Variants in CDH18 observed in about 807,000 individuals in gnomAD.
The protein encoded by CDH18 is cadherin 18, also known as cadherin-18.
In CDH18, 31 loss-of-function variants were observed where a neutral mutation model predicts 67.9. That is an observed-to-expected ratio of 0.46 (90% CI 0.34 to 0.62). The LOEUF (loss-of-function observed/expected upper bound fraction) is 0.62, where lower values mean the gene tolerates loss of function less well. Ranked by LOEUF, CDH18 falls within the 20% of genes least tolerant of loss-of-function variation. The pLI, the probability that CDH18 is intolerant of heterozygous loss-of-function variation, is 0.01. For missense variants in CDH18, 890 were observed against 975.5 expected (o/e 0.91, Z 1.17); for synonymous variants, 362 against 347.2 (o/e 1.04, Z -0.48).
chr5:20,551,578 A>G (rs1209224391), intron 1 of CDH18, among the ~76,000 whole-genome samples: 1 of 152,144 alleles, frequency 6.6e-6, no homozygotes, highest in African/African-American at 2.4e-5. Flanking sequence ...CTGTTAATCA[A>G]TTGGAGTTGA....
At chr5:19,948,079 G>T (rs1287468588) in intron 2 of CDH18, among the ~76,000 whole-genome samples, 2 of 152,146 alleles carry the variant, frequency 1.3e-5, no homozygotes, top group African/African-American at 4.8e-5. Context: ...CCATAATGCA[G>T]TATCACAAAC....
At chr5:20,106,783 A>G (rs1746979708) in intron 2 of CDH18, among the ~76,000 whole-genome samples, 1 of 152,234 alleles carries the variant, frequency 6.6e-6, no homozygotes, top group African/African-American at 2.4e-5. Context: ...AAACATGGTT[A>G]TAATATCCAA....
intron 1 of CDH18, among the ~76,000 whole-genome samples, chr5:20,268,092 C>A (rs1580625924): frequency 6.6e-6 from 1 of 152,094 alleles, no homozygotes; most frequent in South Asian, 2.1e-4. Flanking sequence ...GGATAATTGC[C>A]TCCAGTTGCA....
At chr5:20,523,485 T>C (rs1280052836) in intron 1 of CDH18, among the ~76,000 whole-genome samples, 1 of 152,176 alleles carries the variant, frequency 6.6e-6, no homozygotes, top group Non-Finnish European at 1.5e-5. Flanking sequence ...TTAAAACTCA[T>C]TTATAGCTGG....
chr5:19,728,507 G>C lies in CDH18; in HGVS notation c.524-7041C>G, dbSNP rs995366713. On this transcript the variant is annotated intron_variant, in intron 4 of 12. Transcript: ENST00000382275. ...TTAAATCTTATTTTCTTTAGGTATT[G>C]CCCTGTGTCATTCTCATTCTTTTCG... Among the ~76,000 whole-genome samples, 4 of 152,048 alleles carry C rather than the reference G, an allele frequency of 2.6e-5. No individual in the cohort carries two copies. In the East Asian group the frequency reaches 7.7e-4, roughly 29 times the overall value.
chr5:20,333,936 T>TAAATATTAA (rs1739440682), intron 1 of CDH18, among the ~76,000 whole-genome samples: 1 of 152,052 alleles, frequency 6.6e-6, no homozygotes, highest in Non-Finnish European at 1.5e-5. Flanking sequence ...ATTTAATTTA[T>TAAATATTAA]AAAATTGCAA....
At position 20,304,753 on chromosome 5, in the gene CDH18, T is replaced by G. The variant is rs181794878; in HGVS notation, c.-579-49248A>C. On this transcript the variant is annotated intron_variant, in intron 1 of 14. Transcript: ENST00000507958. ...GTTGCCATGAAACAAAAACGCTGACTCTTGCTGTAATTTTGTTGAGCCAAC... is the reference window on the plus strand; with the variant it reads ...GTTGCCATGAAACAAAAACGCTGACGCTTGCTGTAATTTTGTTGAGCCAAC... The G allele has an allele frequency of 5.6e-5, 91 of 1,611,212 alleles. No homozygotes were observed. The African/African-American group carries it at 1.0e-3, about 18-fold the overall frequency.
intron 4 of CDH18, among the ~76,000 whole-genome samples, chr5:19,730,147 A>ATAC (rs1261142421): frequency 6.6e-6 from 1 of 152,134 alleles, no homozygotes; most frequent in East Asian, 1.9e-4. Flanking sequence ...TGCTTAGGTA[A>ATAC]TACTACTACT....
chr5:20,112,694 T>C (rs1347901249), intron 2 of CDH18, among the ~76,000 whole-genome samples: 3 of 152,030 alleles, frequency 2.0e-5, no homozygotes, highest in African/African-American at 4.8e-5. Context: ...AGCCTGGCGA[T>C]AGAGGGAGAC....
At chr5:19,985,230 T>C (rs942450487) in intron 1 of CDH18, among the ~76,000 whole-genome samples, 1 of 152,092 alleles carries the variant, frequency 6.6e-6, no homozygotes, top group Non-Finnish European at 1.5e-5. Context: ...CACCTACCAA[T>C]TGAAAACCAT....
At chr5:20,151,671 A>G (rs1490149476) in intron 2 of CDH18, among the ~76,000 whole-genome samples, 3 of 152,238 alleles carry the variant, frequency 2.0e-5, no homozygotes, top group East Asian at 1.9e-4. Flanking sequence ...TTTCAAAAAT[A>G]GTCATTCTGA....
intron 2 of CDH18, among the ~76,000 whole-genome samples, chr5:19,900,025 C>T (rs535674363): frequency 1.3e-5 from 2 of 152,044 alleles, no homozygotes; most frequent in Admixed American, 1.3e-4. Flanking sequence ...AACACTGTTC[C>T]TATAGGTAAA....
intron 5 of CDH18, among the ~76,000 whole-genome samples, chr5:19,638,993 T>TTGTTTTTG (rs1561521221): frequency 1.6e-4 from 17 of 107,354 alleles, no homozygotes; most frequent in African/African-American, 4.5e-4. Flanking sequence ...TTTTTTTTTT[T>TTGTTTTTG]TTTTTTTTTT....
intron 1 of CDH18, among the ~76,000 whole-genome samples, chr5:20,503,617 T>G (rs1754470309): frequency 6.6e-6 from 1 of 152,192 alleles, no homozygotes; most frequent in South Asian, 2.1e-4. Context: ...AGGAGATGAA[T>G]AGCAATAGAT....
chr5:20,032,286 A>G (rs1039535166), intron 2 of CDH18, among the ~76,000 whole-genome samples: 1 of 151,380 alleles, frequency 6.6e-6, no homozygotes, highest in Non-Finnish European at 1.5e-5. Flanking sequence ...GAAAGAAGAA[A>G]CCAGTGACTG....
Position 19,472,826 on chromosome 5 carries a change from T to C in CDH18, c.*400A>G. The stretch of plus-strand genomic sequence containing the variant: ...GATTACCTTCACAAGTTTCCTGTAT[T>C]AGTGTTACCACCCCTATAAGTCATA... On this transcript the variant is annotated 3_prime_UTR_variant, in exon 13 of 13. Transcript: ENST00000382275. The C allele has an allele frequency of 1.8e-5, 3 of 168,740 alleles. No individual in the cohort carries two copies. The highest frequency in any genetic ancestry group is 1.1e-4 in the Admixed American group (2 of 17,962). 10.5% of individuals were successfully genotyped at this position (168,740 alleles called of 1,614,324 possible).
intron 7 of CDH18, among the ~76,000 whole-genome samples, chr5:19,584,995 CA>C (rs34553605): frequency 8.4e-5 from 12 of 142,034 alleles, no homozygotes; most frequent in East Asian, 2.1e-4. Context: ...ACTCTATCTC[CA>C]AAAAAAAAAA....
At chr5:20,163,337 T>TA (rs985093466) in intron 2 of CDH18, among the ~76,000 whole-genome samples, 3 of 152,176 alleles carry the variant, frequency 2.0e-5, no homozygotes, top group Non-Finnish European at 2.9e-5. Flanking sequence ...CCCAATTTTC[T>TA]AAAAAAAGTA....
At chr5:19,495,684 A>G (rs1165565280) in intron 11 of CDH18, among the ~76,000 whole-genome samples, 6 of 147,238 alleles carry the variant, frequency 4.1e-5, no homozygotes, top group Non-Finnish European at 7.4e-5. Context: ...CCGCCATTGC[A>G]CTACAGCCTG....
Sources: allele counts gnomAD v4.1 joint callset (sites outside exome capture counted in the v4.1 genomes callset), GRCh38; gene constraint gnomAD v4.1.1; transcripts MANE v1.5; gene names NCBI Gene and HGNC (gene_info 2026-07-23, HGNC 2026-07-21).